The following CTIF variants were observed in gnomAD, a reference collection of about 807,000 sequenced individuals.
CTIF encodes the protein CBP80/20-dependent translation initiation factor.
In CTIF, 21 loss-of-function variants were observed where a neutral mutation model predicts 66.0. The ratio of observed to expected loss-of-function variants is 0.32; its 90% CI spans 0.23 to 0.46. CTIF has a LOEUF of 0.46. Ranked by LOEUF, CTIF falls within the 20% of genes least tolerant of loss-of-function variation. CTIF has a pLI of 1.00. For synonymous variants in CTIF, 345 were observed against 326.4 expected, an observed-to-expected ratio of 1.06 and a Z score of -0.62; for missense variants, 739 against 812.7, an observed-to-expected ratio of 0.91 and a Z score of 1.10.
chr18:48,798,761 C>A (rs2067985955), intron 9 of CTIF, among the ~76,000 whole-genome samples: 1 of 152,206 alleles, frequency 6.6e-6, no homozygotes, highest in African/African-American at 2.4e-5. Context: ...TCACTCTCAG[C>A]AGTGGTTCTC....
At chr18:48,733,459 G>A (rs1182240554) in intron 7 of CTIF, among the ~76,000 whole-genome samples, 1 of 152,172 alleles carries the variant, frequency 6.6e-6, no homozygotes, top group Non-Finnish European at 1.5e-5. Flanking sequence ...CTGAGTGCAG[G>A]GTCAGGAGTG....
rs191654005 is a variant in CTIF at position 48,637,271 on chromosome 18, G to T, written c.252+586G>T. On this transcript the variant is annotated intron_variant, in intron 3 of 11. Transcript: ENST00000256413. The stretch of plus-strand genomic sequence containing the variant: ...GTGAGGTCCTGAGAGGCTTGTGGGT[G>T]GGTTGCATGGCTGGGAGGGAAGGGA... Among the ~76,000 whole-genome samples the T allele has an allele frequency of 8.3e-4, 127 of 152,306 alleles. 3 individuals carry two copies. Among genetic ancestry groups the T allele is most frequent in the African/African-American group, 3.0e-3 (123 of 41,568 alleles).
chr18:48,726,744 C>A (rs1023374420), intron 7 of CTIF, among the ~76,000 whole-genome samples: 4 of 152,178 alleles, frequency 2.6e-5, no homozygotes, highest in African/African-American at 9.7e-5. Context: ...CTACCATATT[C>A]TGTTGGTCAC....
intron 6 of CTIF, among the ~76,000 whole-genome samples, chr18:48,680,670 C>T (rs2091724913): frequency 6.6e-6 from 1 of 152,264 alleles, no homozygotes; most frequent in African/African-American, 2.4e-5. Context: ...TCCTCCCACT[C>T]CCTGAGCCAA....
At chr18:48,611,095 G>C (rs2090300160) in intron 1 of CTIF, among the ~76,000 whole-genome samples, 1 of 152,214 alleles carries the variant, frequency 6.6e-6, no homozygotes, top group African/African-American at 2.4e-5. Flanking sequence ...TCTACCCATA[G>C]ATACCTGAGT....
intron 5 of CTIF, among the ~76,000 whole-genome samples, chr18:48,669,792 T>TA (rs1491472638): frequency 0.22 from 10,160 of 47,034 alleles, 3,196 homozygotes; most frequent in East Asian, 0.46. Context: ...AAGCTAAACA[T>TA]TTATATATAT....
At chr18:48,830,206 C>G (rs2068660928) in intron 10 of CTIF, among the ~76,000 whole-genome samples, 1 of 152,190 alleles carries the variant, frequency 6.6e-6, no homozygotes, top group Non-Finnish European at 1.5e-5. Flanking sequence ...GCTCTGTCAC[C>G]CAGGCTGGAG....
intron 10 of CTIF, among the ~76,000 whole-genome samples, chr18:48,818,232 C>A (rs1382103725): frequency 2.0e-5 from 3 of 152,166 alleles, no homozygotes; most frequent in African/African-American, 7.2e-5. Flanking sequence ...AGTGGGGCTG[C>A]TTAGGCTGCG....
At chr18:48,782,552 C>G (rs1404294009) in intron 9 of CTIF, among the ~76,000 whole-genome samples, 1 of 152,214 alleles carries the variant, frequency 6.6e-6, no homozygotes, top group Non-Finnish European at 1.5e-5. Flanking sequence ...GTGCAGCGCC[C>G]AGGGGACATG....
chr18:48,767,335 A>C (rs1909666373), intron 9 of CTIF, among the ~76,000 whole-genome samples: 1 of 152,122 alleles, frequency 6.6e-6, no homozygotes, highest in African/African-American at 2.4e-5. Context: ...ACAGGAATGG[A>C]AGCCTGAGCC....
At chr18:48,670,648 T>G (rs895731698) in intron 5 of CTIF, 21 bp from the exon 6 acceptor site, 5 of 1,611,150 alleles carry the variant, frequency 3.1e-6, no homozygotes, top group Non-Finnish European at 4.2e-6. Flanking sequence ...TTCCAATGCC[T>G]TTCTGTCTTT....
intron 6 of CTIF, among the ~76,000 whole-genome samples, chr18:48,708,757 C>T (rs1406325171): frequency 1.3e-5 from 2 of 152,230 alleles, no homozygotes; most frequent in Non-Finnish European, 2.9e-5. Flanking sequence ...AATAGAGCTT[C>T]TCCATCCTCC....
chr18:48,784,292 CCAAA>C (rs1267501521), intron 9 of CTIF, among the ~76,000 whole-genome samples: 1 of 152,112 alleles, frequency 6.6e-6, no homozygotes, highest in African/African-American at 2.4e-5. Flanking sequence ...GCTGGGGGTG[CCAAA>C]CAAAGAAACG....
intron 6 of CTIF, chr18:48,683,155 G>A (rs1230810370): frequency 1.3e-5 from 2 of 152,096 alleles, no homozygotes; most frequent in Non-Finnish European, 2.9e-5. Flanking sequence ...AAGCCTCCCT[G>A]GGAATAAAGC....
intron 1 of CTIF, among the ~76,000 whole-genome samples, chr18:48,605,671 G>A (rs554333565): frequency 1.3e-5 from 2 of 152,152 alleles, no homozygotes; most frequent in Non-Finnish European, 2.9e-5. Flanking sequence ...AAGGCATCTG[G>A]CTGCACCTGG....
intron 1 of CTIF, among the ~76,000 whole-genome samples, chr18:48,595,066 C>T (rs758571400): frequency 3.3e-5 from 5 of 152,196 alleles, no homozygotes; most frequent in African/African-American, 7.2e-5. Flanking sequence ...TTCCCTGTCT[C>T]GAAGCATCAA....
intron 7 of CTIF, among the ~76,000 whole-genome samples, chr18:48,726,462 G>C (rs2092388046): frequency 6.6e-6 from 1 of 152,160 alleles, no homozygotes. Context: ...TGTCAGCCAG[G>C]GGTGTAGGCA....
intron 6 of CTIF, among the ~76,000 whole-genome samples, chr18:48,704,664 C>A (rs913490226): frequency 6.6e-6 from 1 of 152,204 alleles, no homozygotes; most frequent in African/African-American, 2.4e-5. Context: ...TCCCCCCAGT[C>A]CTCACGCGGC....
chr18:48,583,658 G>C (rs1568049425), intron 1 of CTIF, among the ~76,000 whole-genome samples: 1 of 152,140 alleles, frequency 6.6e-6, no homozygotes. Context: ...CCTCCATGCT[G>C]GGCATATGAG....
Sources: allele counts gnomAD v4.1 joint callset (sites outside exome capture counted in the v4.1 genomes callset), GRCh38; gene constraint gnomAD v4.1.1; transcripts MANE v1.5; gene names NCBI Gene and HGNC (gene_info 2026-07-23, HGNC 2026-07-21).